The following FOXP2 variants were observed in gnomAD, a reference collection of about 807,000 sequenced individuals.
The protein encoded by FOXP2 is forkhead box protein P2.
A neutral mutation model predicts 115.8 loss-of-function variants in FOXP2; 12 were observed. That is an observed-to-expected ratio of 0.10 (90% confidence interval 0.07 to 0.17). The LOEUF (loss-of-function observed/expected upper bound fraction) is 0.17, where lower values mean the gene tolerates loss of function less well. Among genes scored for constraint, FOXP2 ranks in the 10% least tolerant of loss-of-function variants. FOXP2 has a pLI of 1.00. For synonymous variants in FOXP2, 328 were observed against 297.7 expected, an observed-to-expected ratio of 1.10 and a Z score of -1.05; for missense variants, 629 against 843.5, an observed-to-expected ratio of 0.75 and a Z score of 3.15.
intron 2 of FOXP2, among the ~76,000 whole-genome samples, chr7:114,435,405 T>G (rs547349285): frequency 1.3e-5 from 2 of 152,198 alleles, no homozygotes; most frequent in East Asian, 3.9e-4. Flanking sequence ...AAGTGCAGAA[T>G]ATTGAGGACC....
intron 1 of FOXP2, among the ~76,000 whole-genome samples, chr7:114,272,285 A>C (rs572645481): frequency 7.3e-5 from 11 of 151,402 alleles, no homozygotes; most frequent in South Asian, 6.2e-4. Flanking sequence ...TTGGTTTATT[A>C]ATATTTTGTT....
rs368758559 is a variant in FOXP2 at position 114,348,240 on chromosome 7, C to T, written c.-11+60131C>T. Reference sequence around the variant, plus strand: ...AGATTAGATCTTAATAATTAGATCCCAATTACAGAAATGTAACTTTTTTTC... The same window carrying T: ...AGATTAGATCTTAATAATTAGATCCTAATTACAGAAATGTAACTTTTTTTC... On this transcript the variant is annotated intron_variant, in intron 2 of 17. Transcript: ENST00000634411. 7.2e-5 allele frequency among the ~76,000 whole-genome samples: 11 copies of T among 151,946 alleles called. No homozygotes were observed. In the East Asian group the frequency reaches 1.4e-3, roughly 19 times the overall value.
At chr7:114,457,957 T>A (rs1750873325) in intron 2 of FOXP2, among the ~76,000 whole-genome samples, 1 of 151,890 alleles carries the variant, frequency 6.6e-6, no homozygotes, top group African/African-American at 2.4e-5. Flanking sequence ...ACAAGGCAAG[T>A]GAATTCTGTT....
chr7:114,269,105 G>T (rs1016848332), intron 1 of FOXP2, among the ~76,000 whole-genome samples: 1 of 152,168 alleles, frequency 6.6e-6, no homozygotes, highest in Admixed American at 6.5e-5. Flanking sequence ...AACAAATAGG[G>T]CCTATACTTT....
intron 2 of FOXP2, among the ~76,000 whole-genome samples, chr7:114,340,771 C>G (rs1791183640): frequency 6.6e-6 from 1 of 151,106 alleles, no homozygotes; most frequent in Admixed American, 6.6e-5. Context: ...CACTGTGTTG[C>G]AACACCACCC....
chr7:114,486,833 T>A (rs1796804307), intron 2 of FOXP2, among the ~76,000 whole-genome samples: 1 of 152,194 alleles, frequency 6.6e-6, no homozygotes, highest in South Asian at 2.1e-4. Context: ...CATGTTCCTA[T>A]AAGACGTGGG....
At chr7:114,386,453 CA>C (rs1259655035) in intron 2 of FOXP2, among the ~76,000 whole-genome samples, 2 of 152,116 alleles carry the variant, frequency 1.3e-5, no homozygotes, top group Non-Finnish European at 2.9e-5. Context: ...TAGGAAATGG[CA>C]AAACAGATTC....
At chr7:114,297,724 G>A (rs1796778027) in intron 2 of FOXP2, among the ~76,000 whole-genome samples, 1 of 152,052 alleles carries the variant, frequency 6.6e-6, no homozygotes, top group Non-Finnish European at 1.5e-5. Flanking sequence ...TCAGTTTCGA[G>A]GTTCAGTCAA....
intron 1 of FOXP2, 110 bp from the exon 2 acceptor site, chr7:114,426,392 T>C (rs1173460015): frequency 3.0e-6 from 3 of 1,003,426 alleles, no homozygotes; most frequent in South Asian, 2.8e-5. Flanking sequence ...GGCTTTTTTC[T>C]TCCCCCTCTT....
intron 1 of FOXP2, among the ~76,000 whole-genome samples, chr7:114,235,472 T>C (rs1794986560): frequency 6.6e-6 from 1 of 152,206 alleles, no homozygotes; most frequent in Admixed American, 6.5e-5. Flanking sequence ...CAAAGTATTT[T>C]AGAGTGGCTG....
chr7:114,530,497 GT>G (rs1369232376), intron 2 of FOXP2, among the ~76,000 whole-genome samples: 2 of 151,582 alleles, frequency 1.3e-5, no homozygotes, highest in African/African-American at 2.4e-5. Flanking sequence ...ACTGATGTCT[GT>G]TTTTTCCCCT....
chr7:114,138,950 G>T (rs1261408237), intron 1 of FOXP2, among the ~76,000 whole-genome samples: 1 of 152,108 alleles, frequency 6.6e-6, no homozygotes, highest in East Asian at 1.9e-4. Flanking sequence ...TTTTTTTAAA[G>T]TTAATTTTAG....
In FOXP2 at chr7:114,579,615, C is replaced by T. The variant is rs145590224; in HGVS notation, c.258+44909C>T. Among the ~76,000 whole-genome samples the T allele has an allele frequency of 3.1e-3, 465 of 152,190 alleles. 3 individuals are homozygous for T. Among genetic ancestry groups the T allele is most frequent in the African/African-American group, 0.01 (433 of 41,562 alleles). Reference sequence around the variant, plus strand: ...TTCTTCCCTGTGTATCAACTTCCACCGGTTATGCAAGCCCGAACTCAGTTA... The same window carrying T: ...TTCTTCCCTGTGTATCAACTTCCACTGGTTATGCAAGCCCGAACTCAGTTA... On this transcript the variant is annotated intron_variant, in intron 3 of 16. Coordinates refer to ENST00000350908, the MANE Select transcript of FOXP2 (RefSeq NM_014491.4).
chr7:114,568,536 T>C (rs1392896646), intron 3 of FOXP2, among the ~76,000 whole-genome samples: 1 of 151,848 alleles, frequency 6.6e-6, no homozygotes, highest in African/African-American at 2.4e-5. Flanking sequence ...AAAGAAGATA[T>C]GTTTGAAATA....
At chr7:114,403,248 T>G (rs896033262) in intron 2 of FOXP2, among the ~76,000 whole-genome samples, 2 of 152,220 alleles carry the variant, frequency 1.3e-5, no homozygotes, top group Non-Finnish European at 2.9e-5. Flanking sequence ...TGTGTTTTAT[T>G]GCCAGATGAG....
chr7:114,151,599 A>G (rs1474364972), intron 1 of FOXP2, among the ~76,000 whole-genome samples: 1 of 152,078 alleles, frequency 6.6e-6, no homozygotes, highest in Non-Finnish European at 1.5e-5. Context: ...ATATGGTGCC[A>G]TGTTCTTTTA....
intron 2 of FOXP2, among the ~76,000 whole-genome samples, chr7:114,296,069 A>G (rs1235574890): frequency 6.6e-6 from 1 of 152,150 alleles, no homozygotes; most frequent in Admixed American, 6.5e-5. Flanking sequence ...GAAACAGAAT[A>G]CTTTTTATCT....
At chr7:114,264,902 G>A (rs1398439101) in intron 1 of FOXP2, among the ~76,000 whole-genome samples, 1 of 152,076 alleles carries the variant, frequency 6.6e-6, no homozygotes, top group African/African-American at 2.4e-5. Context: ...CAGATCTCAT[G>A]AGAAGTCACT....
intron 2 of FOXP2, among the ~76,000 whole-genome samples, chr7:114,465,429 A>T (rs1315333686): frequency 6.6e-6 from 1 of 152,236 alleles, no homozygotes; most frequent in East Asian, 1.9e-4. Context: ...AGTGAATAGG[A>T]TGCATAGAAA....
Sources: allele counts gnomAD v4.1 joint callset (sites outside exome capture counted in the v4.1 genomes callset), GRCh38; gene constraint gnomAD v4.1.1; transcripts MANE v1.5; gene names NCBI Gene and HGNC (gene_info 2026-07-23, HGNC 2026-07-21).